The following AIG1 variants were observed in gnomAD, a reference collection of about 807,000 sequenced individuals.
The protein encoded by AIG1 is androgen induced 1, also known as androgen-induced gene 1 protein.
A neutral mutation model predicts 31.4 loss-of-function variants in AIG1; 23 were observed. That is an observed-to-expected ratio of 0.73 (90% confidence interval 0.53 to 1.04). The LOEUF is 1.04. Ranked by LOEUF, AIG1 falls within the 50% of genes least tolerant of loss-of-function variation. The pLI is 0.00. For missense variants in AIG1, 274 were observed against 295.0 expected (o/e 0.93, Z 0.52); for synonymous variants, 100 against 110.5 (o/e 0.90, Z 0.60).
At position 143,165,162 on chromosome 6, in the gene AIG1, AGGGTG is replaced by A; in HGVS notation, c.380_384del (p.Gly127AlafsTer108). On this transcript the variant is annotated frameshift_variant, in exon 3 of 6. Transcript: ENST00000357847. LOFTEE classifies it high-confidence loss of function. Reference sequence around the variant, plus strand: ...CGAAGCTGCTGGATAATTTTATCCCAGGGTGGCTGAATCACGGAATGGTGAGTGGA... The same window carrying A: ...CGAAGCTGCTGGATAATTTTATCCCAGCTGAATCACGGAATGGTGAGTGGA... 6.2e-7 allele frequency: 1 copy of A among 1,613,164 alleles called. No individual in the cohort carries two copies. The highest frequency in any genetic ancestry group is 8.5e-7 in the Non-Finnish European group (1 of 1,179,212).
rs7771499 is a variant in AIG1, at chr6:143,292,435, A to G, written c.515+8210A>G. ...GAGATGCAGTGGAGAAAGGACTTGA[A>G]CTGCCGTCACTGGCTTTGAAGACAG... On this transcript the variant is annotated intron_variant, in intron 4 of 5. Coordinates refer to ENST00000357847, the MANE Select transcript of AIG1 (RefSeq NM_016108.4). This position sits in a 1 kb window ranked among gnomAD's most constrained non-coding sequence, Gnocchi z 4.9. 0.061 allele frequency among the ~76,000 whole-genome samples: 9,282 copies of G among 152,200 alleles called. 758 individuals are homozygous for G. Among genetic ancestry groups the G allele is most frequent in the African/African-American group, 0.18 (7,576 of 41,486 alleles).
chr6:143,107,571 C>T (rs575324753), intron 1 of AIG1, among the ~76,000 whole-genome samples: 3 of 152,118 alleles, frequency 2.0e-5, no homozygotes, highest in Non-Finnish European at 4.4e-5. Context: ...AATATGCCAA[C>T]TGGCTATATC....
intron 3 of AIG1, among the ~76,000 whole-genome samples, chr6:143,273,571 C>T (rs1186411761): frequency 1.3e-5 from 2 of 152,102 alleles, no homozygotes; most frequent in African/African-American, 4.8e-5. Flanking sequence ...TAAAGACATA[C>T]CTGAGACTGG....
At chr6:143,315,282 C>T (rs1474699476) in intron 4 of AIG1, among the ~76,000 whole-genome samples, 2 of 151,940 alleles carry the variant, frequency 1.3e-5, no homozygotes, top group African/African-American at 4.8e-5. Context: ...GTAAGCCTAA[C>T]CAAAAATCCC....
intron 3 of AIG1, among the ~76,000 whole-genome samples, chr6:143,212,891 C>T (rs1562494460): frequency 1.3e-5 from 2 of 152,124 alleles, no homozygotes; most frequent in Admixed American, 1.3e-4. Context: ...AAGACAGCAA[C>T]ATAAGATTTC....
chr6:143,188,010 A>G, intron 3 of AIG1: 2 of 1,125,842 alleles, frequency 1.8e-6, no homozygotes, highest in Non-Finnish European at 2.2e-6. Flanking sequence ...GAACTTTGGC[A>G]TACCACTTTT....
rs202049124 is a variant in AIG1 at position 143,284,170 on chromosome 6, A to C, written c.460A>C (p.Ser154Arg). The change falls in exon 4 of 6, where the codon AGC becomes CGC. Residue 154 changes from serine (S) to arginine (R), a missense_variant. By Grantham distance (110) the Ser-to-Arg change is moderately radical. Around this residue, in one of 2 missense-constraint regions of AIG1, gnomAD observed 243 missense variants for 238.5 expected, o/e 1.02. Coordinates refer to ENST00000357847, the MANE Select transcript of AIG1 (RefSeq NM_016108.4). This position sits in a 1 kb window ranked among gnomAD's most constrained non-coding sequence, Gnocchi z 4.4. ...EMRTSHHQYP[S>R]RSSGLTAICT... ...GAGGACATCGCACCATCAGTATCCC[A>C]GCAGGAGCAGCGGACTTACCGCCAT... is the stretch of plus-strand genomic sequence containing the variant. 34 of 1,614,004 alleles carry C rather than the reference A, an allele frequency of 2.1e-5. No homozygotes were observed. The highest frequency in any genetic ancestry group is 2.7e-5 in the Non-Finnish European group (32 of 1,180,000).
chr6:143,065,739 A>G (rs531260008), intron 1 of AIG1, among the ~76,000 whole-genome samples: 31 of 152,362 alleles, frequency 2.0e-4, no homozygotes, highest in African/African-American at 7.5e-4. Context: ...ATAGGAATTT[A>G]AAAATGTATC....
downstream of AIG1, among the ~76,000 whole-genome samples, chr6:143,341,708 T>G (rs1337215322): frequency 4.6e-5 from 7 of 152,138 alleles, no homozygotes; most frequent in African/African-American, 1.4e-4. Context: ...GAAAATAAAT[T>G]AATATTGTTT....
chr6:143,081,744 G>C lies in AIG1; in HGVS notation c.141+20678G>C, dbSNP rs147037545. Among the ~76,000 whole-genome samples the C allele has an allele frequency of 4.2e-3, 647 of 152,240 alleles. 5 individuals are homozygous for C. The highest frequency in any genetic ancestry group is 0.014 in the African/African-American group (595 of 41,530). ...TTCCATTGGTTAGCTGCAGGCAAAA[G>C]TATTTTTTCTTTGGTGGCTGGCCAT... On this transcript the variant is annotated intron_variant, in intron 1 of 5. Transcript: ENST00000357847.
intron 3 of AIG1, among the ~76,000 whole-genome samples, chr6:143,267,793 G>A (rs1796254700): frequency 6.6e-6 from 1 of 152,218 alleles, no homozygotes; most frequent in Admixed American, 6.5e-5. Context: ...GTTCATGAGG[G>A]AGGCTCCTGG....
At chr6:143,072,051 G>A (rs1455322628) in intron 1 of AIG1, among the ~76,000 whole-genome samples, 4 of 151,790 alleles carry the variant, frequency 2.6e-5, no homozygotes, top group Admixed American at 1.3e-4. Context: ...TTCAGTCACC[G>A]AAAGTGCTAG....
chr6:143,118,121 G>A (rs1781894668), intron 1 of AIG1, among the ~76,000 whole-genome samples: 1 of 152,160 alleles, frequency 6.6e-6, no homozygotes, highest in Non-Finnish European at 1.5e-5. Flanking sequence ...GGTCCACAAA[G>A]ATTAAAACAT....
intron 4 of AIG1, among the ~76,000 whole-genome samples, chr6:143,324,826 A>G (rs955007997): frequency 1.3e-5 from 2 of 152,198 alleles, no homozygotes; most frequent in African/African-American, 4.8e-5. Flanking sequence ...TCTTTAAAGT[A>G]ATCTCAAAAA....
intron 3 of AIG1, among the ~76,000 whole-genome samples, chr6:143,209,448 G>A (rs1035918268): frequency 6.6e-6 from 1 of 152,178 alleles, no homozygotes; most frequent in African/African-American, 2.4e-5. Context: ...GGGGCCTATT[G>A]TAATCACGAG....
intron 4 of AIG1, among the ~76,000 whole-genome samples, chr6:143,296,921 A>G (rs1231544667): frequency 1.3e-5 from 2 of 152,004 alleles, no homozygotes; most frequent in African/African-American, 4.8e-5. Context: ...AAGTTCATTA[A>G]CTCTCTCAAA....
rs1010784672 is a variant in AIG1 at position 143,256,208 on chromosome 6, G to A, written c.400-27902G>A. 2.0e-5 allele frequency among the ~76,000 whole-genome samples: 3 copies of A among 152,208 alleles called. No individual in the cohort carries two copies. Among genetic ancestry groups the A allele is most frequent in the African/African-American group, 4.8e-5 (2 of 41,462 alleles). ...TCCCAACATAGGCAGTGTTGTTTAAGTCTATGTAATGTGTAGAGGAAAGCA... is the reference window on the plus strand; with the variant it reads ...TCCCAACATAGGCAGTGTTGTTTAAATCTATGTAATGTGTAGAGGAAAGCA... On this transcript the variant is annotated intron_variant, in intron 3 of 5. Transcript: ENST00000357847. The surrounding 1 kb of genome is among the most constrained non-coding windows in gnomAD (Gnocchi z 4.6).
intron 1 of AIG1, among the ~76,000 whole-genome samples, chr6:143,128,631 T>G (rs1234200964): frequency 1.3e-5 from 2 of 152,218 alleles, no homozygotes; most frequent in Admixed American, 1.3e-4. Flanking sequence ...CTGCTTAAGA[T>G]CCACTTGTGC....
At chr6:143,131,005 C>T (rs1783181907) in intron 1 of AIG1, among the ~76,000 whole-genome samples, 1 of 152,164 alleles carries the variant, frequency 6.6e-6, no homozygotes, top group South Asian at 2.1e-4. Flanking sequence ...GTAGTTACTT[C>T]AGCCTTCTTA....
Sources: allele counts gnomAD v4.1 joint callset (sites outside exome capture counted in the v4.1 genomes callset), GRCh38; gene constraint gnomAD v4.1.1; regional missense constraint gnomAD v4.1.1; non-coding constraint Gnocchi (gnomAD v3.1); transcripts MANE v1.5; gene names NCBI Gene and HGNC (gene_info 2026-07-23, HGNC 2026-07-21).